IGSF23: variants seen among roughly 807,000 people sequenced by gnomAD.
IGSF23 encodes the protein immunoglobulin superfamily member 23, also known as immunoglobulin superfamily, member 23.
In IGSF23, 14 loss-of-function variants were observed where a neutral mutation model predicts 17.8. That is an observed-to-expected ratio of 0.79 (90% confidence interval 0.52 to 1.23). IGSF23 has a LOEUF of 1.23. IGSF23 is among the 50% of genes most tolerant of loss of function. The pLI is 0.00. For missense variants in IGSF23, 214 were observed against 241.7 expected (o/e 0.89, Z 0.76); for synonymous variants, 85 against 92.5 (o/e 0.92, Z 0.46).
chr19:44,619,282 A>G (rs1599731224), intron 1 of IGSF23, among the ~76,000 whole-genome samples: 1 of 152,270 alleles, frequency 6.6e-6, no homozygotes, highest in South Asian at 2.1e-4. Context: ...CACCACCAAC[A>G]CTGGGGATCG....
chr19:44,616,141 G>A (rs1303322373), intron 1 of IGSF23, among the ~76,000 whole-genome samples: 1 of 152,086 alleles, frequency 6.6e-6, no homozygotes, highest in Non-Finnish European at 1.5e-5. Context: ...TAGGGGTGGA[G>A]GTCAAAGGGA....
intron 3 of IGSF23, among the ~76,000 whole-genome samples, chr19:44,630,546 C>A (rs999391889): frequency 1.3e-5 from 2 of 152,222 alleles, no homozygotes; most frequent in African/African-American, 2.4e-5. Flanking sequence ...CACCTCAAGT[C>A]CCTGCCCTCA....
At chr19:44,621,495 C>A (rs1029489364) in intron 1 of IGSF23, among the ~76,000 whole-genome samples, 2 of 150,510 alleles carry the variant, frequency 1.3e-5, no homozygotes, top group African/African-American at 4.9e-5. Context: ...CAAAAAATAG[C>A]TGGATGTAGT....
At chr19:44,628,014 G>A (rs1480443623) in intron 3 of IGSF23, among the ~76,000 whole-genome samples, 3 of 149,728 alleles carry the variant, frequency 2.0e-5, no homozygotes, top group African/African-American at 7.4e-5. Context: ...GTGCGATCTC[G>A]GCTCACTGCA....
intron 2 of IGSF23, among the ~76,000 whole-genome samples, chr19:44,625,093 A>G (rs2123721495): frequency 6.6e-6 from 1 of 152,038 alleles, no homozygotes; most frequent in East Asian, 1.9e-4. Flanking sequence ...GTCATCATCT[A>G]AGGAGTGGTT....
intron 1 of IGSF23, among the ~76,000 whole-genome samples, chr19:44,619,682 T>A (rs1202046237): frequency 6.6e-6 from 1 of 152,162 alleles, no homozygotes; most frequent in Non-Finnish European, 1.5e-5. Context: ...GGGTGCCTTC[T>A]CATTCTGTCC....
intron 1 of IGSF23, 27 bp from the exon 2 acceptor site, chr19:44,623,680 G>A (rs1481436978): frequency 1.3e-6 from 2 of 1,549,080 alleles, no homozygotes; most frequent in Non-Finnish European, 1.7e-6. Flanking sequence ...CCACTCTTGT[G>A]GCCTTGTTCC....
chr19:44,633,244 T>G (rs1445758638), intron 3 of IGSF23, among the ~76,000 whole-genome samples: 1 of 152,242 alleles, frequency 6.6e-6, no homozygotes, highest in Non-Finnish European at 1.5e-5. Context: ...CAGTTTCTCT[T>G]TACTCAGCGG....
chr19:44,631,160 G>T (rs1244141870), intron 3 of IGSF23, among the ~76,000 whole-genome samples: 4 of 151,928 alleles, frequency 2.6e-5, no homozygotes, highest in Non-Finnish European at 4.4e-5. Context: ...CCAGCTACTC[G>T]AAAGGCTAAG....
At chr19:44,626,542 T>A (rs1972651747) in intron 2 of IGSF23, among the ~76,000 whole-genome samples, 1 of 152,082 alleles carries the variant, frequency 6.6e-6, no homozygotes, top group Non-Finnish European at 1.5e-5. Context: ...CCCAGAGAGC[T>A]ATGAGACTCA....
intron 3 of IGSF23, among the ~76,000 whole-genome samples, chr19:44,630,203 G>A (rs1972735634): frequency 1.3e-5 from 2 of 152,114 alleles, no homozygotes; most frequent in Admixed American, 6.5e-5. Context: ...GAGGAACTGG[G>A]GCCAGGTCTC....
chr19:44,625,918 G>A (rs118064054), intron 2 of IGSF23, among the ~76,000 whole-genome samples: 5,093 of 152,240 alleles, frequency 0.033, 142 homozygotes, highest in Middle Eastern at 0.18. Flanking sequence ...CTTGCCTGCC[G>A]CCATGTAAGA....
rs188029954 is a variant in IGSF23, at chr19:44,633,054, C to T, written c.546-2347C>T. On this transcript the variant is annotated intron_variant, in intron 3 of 4. Coordinates refer to ENST00000402988, the MANE Select transcript of IGSF23 (RefSeq NM_001205280.2). Reference sequence around the variant, plus strand: ...AGGGCGTCTGGAAAACTTTACCTTTCAAGCCAGAATAAGAAGCTGTACTAT... The same window carrying T: ...AGGGCGTCTGGAAAACTTTACCTTTTAAGCCAGAATAAGAAGCTGTACTAT... Among the ~76,000 whole-genome samples, 779 of 152,328 alleles carry T rather than the reference C, an allele frequency of 5.1e-3. 5 individuals carry two copies. The highest frequency in any genetic ancestry group is 0.018 in the African/African-American group (744 of 41,574).
At chr19:44,616,224 A>T (rs1335874598) in intron 1 of IGSF23, among the ~76,000 whole-genome samples, 1 of 152,184 alleles carries the variant, frequency 6.6e-6, no homozygotes, top group Non-Finnish European at 1.5e-5. Flanking sequence ...TAATTTTAAA[A>T]ATTATGAAAA....
chr19:44,624,577 G>C (rs940664007), intron 2 of IGSF23, among the ~76,000 whole-genome samples: 1 of 151,784 alleles, frequency 6.6e-6, no homozygotes, highest in Non-Finnish European at 1.5e-5. Flanking sequence ...GAGCCACCTC[G>C]CCCAGCCAAT....
Position 44,623,985 on chromosome 19 carries a change from T to A in IGSF23, c.391+13T>A, listed in dbSNP as rs1353784071. The A allele has an allele frequency of 2.6e-6, 4 of 1,542,228 alleles. No individual in the cohort carries two copies. Among genetic ancestry groups the A allele is most frequent in the African/African-American group, 1.4e-5 (1 of 72,852 alleles). On this transcript the variant is annotated intron_variant, in intron 2 of 4. Transcript: ENST00000402988. ...ATCTCGCTGCCAAGTGAGTCCCCCA[T>A]TCCACCCCACCCCACCCCACCCAAG...
intron 1 of IGSF23, among the ~76,000 whole-genome samples, chr19:44,616,923 A>G (rs1191051159): frequency 1.3e-5 from 2 of 151,642 alleles, no homozygotes; most frequent in African/African-American, 2.4e-5. Context: ...AGAGGGAGAA[A>G]GGTCTTGCTC....
chr19:44,621,897 G>A (rs1174089805), intron 1 of IGSF23, among the ~76,000 whole-genome samples: 1 of 152,148 alleles, frequency 6.6e-6, no homozygotes, highest in Non-Finnish European at 1.5e-5. Flanking sequence ...AACAAGCCAT[G>A]GATTAACACG....
chr19:44,624,236 TCCTCC>T (rs1414512608), intron 2 of IGSF23, among the ~76,000 whole-genome samples: 1 of 151,204 alleles, frequency 6.6e-6, no homozygotes. Context: ...CTCCTCCTCC[TCCTCC>T]TTCTTCTTCC....
Sources: allele counts gnomAD v4.1 joint callset (sites outside exome capture counted in the v4.1 genomes callset), GRCh38; gene constraint gnomAD v4.1.1; transcripts MANE v1.5; gene names NCBI Gene and HGNC (gene_info 2026-07-23, HGNC 2026-07-21).